Variants in CAB39L observed in about 807,000 individuals in gnomAD.
The protein encoded by CAB39L is calcium-binding protein 39-like.
CAB39L carries 23 observed loss-of-function variants against 39.1 expected under a neutral mutation model. The observed-to-expected ratio is 0.59, with a 90% CI of 0.42 to 0.83. The LOEUF (loss-of-function observed/expected upper bound fraction) is 0.83. CAB39L is among the 40% of genes least tolerant of loss of function. CAB39L has a pLI of 0.00. For missense variants in CAB39L, 366 were observed against 391.9 expected, an observed-to-expected ratio of 0.93 and a Z score of 0.56; for synonymous variants, 126 against 137.2, an observed-to-expected ratio of 0.92 and a Z score of 0.57.
intron 5 of CAB39L, among the ~76,000 whole-genome samples, chr13:49,363,879 A>G (rs1955699362): frequency 3.3e-5 from 3 of 90,920 alleles, no homozygotes; most frequent in African/African-American, 7.2e-5. Flanking sequence ...GAATGGATGA[A>G]AAAAAAACAA....
chr13:49,410,968 CCA>C (rs901445532), intron 3 of CAB39L, among the ~76,000 whole-genome samples: 1 of 152,080 alleles, frequency 6.6e-6, no homozygotes, highest in Admixed American at 6.6e-5. Context: ...ATAACTATAA[CCA>C]CAGAATGGCA....
chr13:49,366,010 A>G (rs1375092752), intron 5 of CAB39L, among the ~76,000 whole-genome samples: 1 of 152,252 alleles, frequency 6.6e-6, no homozygotes, highest in East Asian at 1.9e-4. Flanking sequence ...AACAACATGG[A>G]TGGAACTGGA....
rs1955582238 is a variant in CAB39L, at chr13:49,359,783, A to G, written c.326T>C (p.Ile109Thr). The change falls in exon 6 of 11, where the codon ATA (isoleucine) becomes ACA (threonine). Residue 109 changes from isoleucine (I) to threonine (T), a missense_variant. Coordinates refer to ENST00000409308, the MANE Select transcript of CAB39L (RefSeq NM_001079670.3). ...QIFNNILRRQ[I>T]GTRSPTVEYI... ...CTCCACAGTAGGACTCCGAGTGCCT[A>G]TCTGTCTTCTCAAGATGTTGTTAAA... 2 of 1,613,130 alleles carry G rather than the reference A, an allele frequency of 1.2e-6. No individual in the cohort carries two copies. Among genetic ancestry groups the G allele is most frequent in the Non-Finnish European group, 1.7e-6 (2 of 1,179,284 alleles).
At position 49,309,161 on chromosome 13, in the gene CAB39L, G is replaced by A. The variant is rs1274944808; in HGVS notation, c.*1653C>T. The A allele has an allele frequency of 1.3e-5, 2 of 152,174 alleles. No homozygotes were observed. The highest frequency in any genetic ancestry group is 2.9e-5 in the Non-Finnish European group (2 of 68,030). The allele number at this position is 152,174 out of a possible 1,614,324, so 9.4% of individuals were successfully genotyped here. ...GGGAACGTTATAAAAATAATCTGAC[G>A]TCAGTGACTAAAGAGTACGGGTCAT... On this transcript the variant is annotated 3_prime_UTR_variant, in exon 11 of 11. Coordinates refer to ENST00000409308, the MANE Select transcript of CAB39L (RefSeq NM_001079670.3).
intron 9 of CAB39L, among the ~76,000 whole-genome samples, chr13:49,334,692 T>C (rs1954803281): frequency 6.6e-6 from 1 of 152,156 alleles, no homozygotes; most frequent in Admixed American, 6.5e-5. Context: ...TGTGCATGGG[T>C]ATTGTTGGGG....
chr13:49,432,803 A>G (rs1037370218), intron 3 of CAB39L, among the ~76,000 whole-genome samples: 4 of 152,200 alleles, frequency 2.6e-5, no homozygotes, highest in Non-Finnish European at 5.9e-5. Context: ...CTGATAACCA[A>G]GAATTATTAG....
intron 10 of CAB39L, among the ~76,000 whole-genome samples, chr13:49,321,358 G>A (rs988151556): frequency 3.3e-5 from 5 of 152,100 alleles, no homozygotes; most frequent in Non-Finnish European, 7.4e-5. Flanking sequence ...TGAGATGATC[G>A]CCATTTCAAA....
At chr13:49,357,500 C>G (rs1955519325) in intron 6 of CAB39L, among the ~76,000 whole-genome samples, 1 of 152,140 alleles carries the variant, frequency 6.6e-6, no homozygotes, top group Admixed American at 6.5e-5. Flanking sequence ...GAATTAAAAC[C>G]AGAGGTGTAG....
chr13:49,422,015 G>A (rs1292989454), intron 3 of CAB39L, among the ~76,000 whole-genome samples: 1 of 151,978 alleles, frequency 6.6e-6, no homozygotes, highest in Non-Finnish European at 1.5e-5. Flanking sequence ...GGGAGAGAGG[G>A]ATAACTTATA....
Position 49,359,744 on chromosome 13 carries a change from T to G in CAB39L, c.365A>C (p.His122Pro), listed in dbSNP as rs770132776. The change falls in exon 6 of 11, where the codon CAT becomes CCT. Residue 122 changes from histidine to proline, a missense_variant. By Grantham distance (77) the His-to-Pro change is moderately conservative (BLOSUM62 -2). Transcript: ENST00000409308. ...RSPTVEYISA[H>P]PHILFMLLKG... ...GAGGAGCATAAACAGGATATGAGGA[T>G]GAGCACTAATATACTCCACAGTAGG... 2 of 1,608,508 alleles carry G rather than the reference T, an allele frequency of 1.2e-6. No homozygotes were observed. Among genetic ancestry groups the G allele is most frequent in the Non-Finnish European group, 1.7e-6 (2 of 1,175,142 alleles).
intron 3 of CAB39L, among the ~76,000 whole-genome samples, chr13:49,405,798 G>C (rs1226730317): frequency 6.7e-6 from 1 of 149,836 alleles, no homozygotes; most frequent in Non-Finnish European, 1.5e-5. Flanking sequence ...AGGAGGGAGG[G>C]ACATATACTC....
intron 9 of CAB39L, among the ~76,000 whole-genome samples, chr13:49,335,219 A>G (rs973091570): frequency 2.0e-5 from 3 of 152,244 alleles, no homozygotes; most frequent in African/African-American, 7.2e-5. Context: ...CACTCATGTT[A>G]AAAGGCTTCA....
At chr13:49,411,481 T>G (rs1191881464) in intron 3 of CAB39L, among the ~76,000 whole-genome samples, 1 of 151,942 alleles carries the variant, frequency 6.6e-6, no homozygotes, top group Non-Finnish European at 1.5e-5. Context: ...TTAAGCACTA[T>G]TCAAAGTGCT....
At chr13:49,407,870 A>T (rs2138675540) in intron 3 of CAB39L, among the ~76,000 whole-genome samples, 1 of 151,360 alleles carries the variant, frequency 6.6e-6, no homozygotes, top group South Asian at 2.1e-4. Context: ...TCAAAAAAAA[A>T]AAAAAAAATA....
At position 49,355,497 on chromosome 13, in the gene CAB39L, C is replaced by A. The variant is rs189675545; in HGVS notation, c.395+4217G>T. Among the ~76,000 whole-genome samples, 11 of 152,252 alleles carry A rather than the reference C, an allele frequency of 7.2e-5. No homozygotes were observed. The Middle Eastern group carries it at 0.014, about 188-fold the overall frequency. On this transcript the variant is annotated intron_variant, in intron 6 of 10. Coordinates refer to ENST00000409308, the MANE Select transcript of CAB39L (RefSeq NM_001079670.3). Reference sequence around the variant, plus strand: ...AGATTGTAGTCTCTAAGAACCATTTCTCTCTAAAAAGAACCAACATCCTTG... The same window carrying A: ...AGATTGTAGTCTCTAAGAACCATTTATCTCTAAAAAGAACCAACATCCTTG...
At chr13:49,382,312 G>A (rs1351929810) in intron 4 of CAB39L, among the ~76,000 whole-genome samples, 2 of 151,966 alleles carry the variant, frequency 1.3e-5, no homozygotes, top group African/African-American at 2.4e-5. Context: ...CTATGAACTC[G>A]TGTATTTCTT....
intron 8 of CAB39L, among the ~76,000 whole-genome samples, chr13:49,341,270 T>C (rs1489110625): frequency 6.6e-6 from 1 of 152,100 alleles, no homozygotes; most frequent in Non-Finnish European, 1.5e-5. Context: ...CTTTTTTTTT[T>C]TGAGACCAAG....
At chr13:49,338,046 G>A (rs1310110124) in intron 9 of CAB39L, among the ~76,000 whole-genome samples, 2 of 152,104 alleles carry the variant, frequency 1.3e-5, no homozygotes, top group Non-Finnish European at 2.9e-5. Flanking sequence ...GGGTAATTGA[G>A]AATTGGCTTT....
chr13:49,426,437 T>A (rs1454320856), intron 3 of CAB39L, among the ~76,000 whole-genome samples: 1 of 152,214 alleles, frequency 6.6e-6, no homozygotes, highest in East Asian at 1.9e-4. Context: ...TAAAATATTT[T>A]TTTTTTTGAG....
Sources: gnomAD v4.1 joint callset for allele counts (sites outside exome capture counted in the v4.1 genomes callset) on GRCh38, gnomAD v4.1.1 for gene constraint, MANE v1.5 for transcripts, NCBI Gene and HGNC (gene_info 2026-07-23, HGNC 2026-07-21) for gene names.